EPCAM: variants seen among roughly 807,000 people sequenced by gnomAD.
EPCAM encodes adenocarcinoma-associated antigen.
In EPCAM, 39 loss-of-function variants were observed where a neutral mutation model predicts 40.0. The observed-to-expected ratio is 0.98, with a 90% CI of 0.76 to 1.27. EPCAM has a LOEUF of 1.27. Ranked by LOEUF, EPCAM falls within the 50% of genes most tolerant of loss-of-function variation. The probability of loss-of-function intolerance (pLI) is 0.00; values close to 1 mark genes in which losing one functional copy is unlikely to be tolerated. For synonymous variants in EPCAM, 168 were observed against 132.3 expected (o/e 1.27, Z -1.85); for missense variants, 503 against 381.2 (o/e 1.32, Z -2.66).
rs75497003 is a variant in EPCAM, at chr2:47,375,039, A to T, written c.426-195A>T. ...TATTGTGTCCAGAGAACAGAGGGTCAATATTAGAAAAGGTGTTCCCTCCTG... is the reference window on the plus strand; with the variant it reads ...TATTGTGTCCAGAGAACAGAGGGTCTATATTAGAAAAGGTGTTCCCTCCTG... On this transcript the variant is annotated intron_variant, in intron 3 of 8. Coordinates refer to ENST00000263735, the MANE Select transcript of EPCAM (RefSeq NM_002354.3). 0.088 allele frequency among the ~76,000 whole-genome samples: 13,404 copies of T among 152,262 alleles called. 845 individuals carry two copies. Among genetic ancestry groups the T allele is most frequent in the Non-Finnish European group, 0.13 (8,929 of 68,022 alleles).
At chr2:47,384,110 T>C (rs1671671171) in intron 7 of EPCAM, among the ~76,000 whole-genome samples, 1 of 151,976 alleles carries the variant, frequency 6.6e-6, no homozygotes, top group Non-Finnish European at 1.5e-5. Flanking sequence ...TTTTATTTTA[T>C]TTATTTATGG....
At chr2:47,385,703 A>G (rs555966221) in intron 8 of EPCAM, among the ~76,000 whole-genome samples, 25 of 140,430 alleles carry the variant, frequency 1.8e-4, no homozygotes, top group African/African-American at 6.0e-4. Flanking sequence ...CTTGAACCCT[A>G]TCAATAACAT....
chr2:47,378,085 G>GT (rs1248453579), intron 5 of EPCAM, among the ~76,000 whole-genome samples: 6 of 151,954 alleles, frequency 3.9e-5, no homozygotes, highest in African/African-American at 1.4e-4. Context: ...ATACAAAATA[G>GT]CCGAATGTGG....
chr2:47,385,595 TA>T (rs1316860552), intron 8 of EPCAM, among the ~76,000 whole-genome samples: 14 of 152,348 alleles, frequency 9.2e-5, no homozygotes, highest in Admixed American at 9.2e-4. Context: ...TAATTTGTCA[TA>T]ATCTATTGTG....
intron 7 of EPCAM, among the ~76,000 whole-genome samples, chr2:47,380,176 T>A (rs1558438834): frequency 6.6e-6 from 1 of 151,974 alleles, no homozygotes; most frequent in Non-Finnish European, 1.5e-5. Flanking sequence ...ATTAGTCAGA[T>A]GTGATGGCTT....
intron 5 of EPCAM, among the ~76,000 whole-genome samples, chr2:47,377,302 T>A (rs1671452204): frequency 6.6e-6 from 1 of 152,138 alleles, no homozygotes; most frequent in Non-Finnish European, 1.5e-5. Context: ...CATGGCAAGA[T>A]CTCGGCTCAA....
In EPCAM at chr2:47,369,559, G is replaced by T. The variant is rs2103738194; in HGVS notation, c.54G>T (p.Ala18=). The T allele has an allele frequency of 6.3e-7, 1 of 1,589,054 alleles. No individual in the cohort carries two copies. The highest frequency in any genetic ancestry group is 8.5e-7 in the Non-Finnish European group (1 of 1,171,052). The change falls in exon 1 of 9, where the codon GCG becomes GCT. Residue 18 remains alanine (A), a synonymous_variant. Transcript: ENST00000263735. ...GGCTTCTGCTTGCCGCGGCGACGGC[G>T]ACTTTTGCCGCAGCTCAGGAAGGTG... The part of the protein sequence containing the change: ...AFGLLLAAAT[A]TFAAAQEECV...
rs3923559 is a variant in EPCAM, at chr2:47,379,635, A to G, written c.658-134A>G. On this transcript the variant is annotated intron_variant, in intron 6 of 8. Transcript: ENST00000263735. Reference sequence around the variant, plus strand: ...TAAACAGTTTTTTAAAGTTCCAATAAATTAGATTGTTATCACTAAAACCAT... The same window carrying G: ...TAAACAGTTTTTTAAAGTTCCAATAGATTAGATTGTTATCACTAAAACCAT... 497,644 of 1,043,912 alleles carry G rather than the reference A, an allele frequency of 0.48. 127,080 individuals carry two copies. Among genetic ancestry groups the G allele is most frequent in the African/African-American group, 0.84 (52,390 of 62,098 alleles). 64.7% of individuals were successfully genotyped at this position (1,043,912 alleles called of 1,614,324 possible).
At chr2:47,374,430 A>G (rs1671368883) in intron 3 of EPCAM, among the ~76,000 whole-genome samples, 1 of 152,196 alleles carries the variant, frequency 6.6e-6, no homozygotes, top group African/African-American at 2.4e-5. Flanking sequence ...GTGTTTTAAA[A>G]GTGAGATATG....
At chr2:47,386,347 C>T (rs1206414414) in intron 8 of EPCAM, among the ~76,000 whole-genome samples, 1 of 152,128 alleles carries the variant, frequency 6.6e-6, no homozygotes, top group Non-Finnish European at 1.5e-5. Flanking sequence ...CCAACTTGCC[C>T]TAGTCACTTT....
At chr2:47,370,494 C>G (rs200605411) in intron 1 of EPCAM, among the ~76,000 whole-genome samples, 1 of 151,936 alleles carries the variant, frequency 6.6e-6, no homozygotes, top group Non-Finnish European at 1.5e-5. Context: ...TCAGGCTGGT[C>G]TCTAACTCCT....
intron 3 of EPCAM, 79 bp downstream of exon 3, chr2:47,374,127 TG>T: frequency 6.6e-7 from 1 of 1,513,202 alleles, no homozygotes; most frequent in Non-Finnish European, 9.0e-7. Flanking sequence ...TTATGTAATA[TG>T]ATTTCATGGT....
At position 47,369,431 on chromosome 2, in the gene EPCAM, T is replaced by A. The variant is rs1671155263; in HGVS notation, c.-75T>A. ...CTCGCGCTGCCCGGCCGGCTCCTCG[T>A]GTCCCACTCCCGGCGCACGCCCTCC... On this transcript the variant is annotated 5_prime_UTR_variant, in exon 1 of 9. Transcript: ENST00000263735. 1.5e-6 allele frequency: 2 copies of A among 1,317,724 alleles called. No homozygotes were observed. Among genetic ancestry groups the A allele is most frequent in the Non-Finnish European group, 2.0e-6 (2 of 1,019,004 alleles). The allele number at this position is 1,317,724 out of a possible 1,614,324, so 81.6% of individuals were successfully genotyped here.
In EPCAM at chr2:47,386,933, TTG is replaced by T. The variant is rs545442731; in HGVS notation, c.*323_*324del. On this transcript the variant is annotated 3_prime_UTR_variant, in exon 9 of 9. Coordinates refer to ENST00000263735, the MANE Select transcript of EPCAM (RefSeq NM_002354.3). ...CCACAGTAAAATCTGAAAAACTGAT[TTG>T]TGATTGAAAGCTGCCTTTCTATTTA... 225 of 268,340 alleles carry T rather than the reference TTG, an allele frequency of 8.4e-4. No homozygotes were observed. The highest frequency in any genetic ancestry group is 4.7e-3 in the African/African-American group (218 of 46,414). The allele number at this position is 268,340 out of a possible 1,614,324, so 16.6% of individuals were successfully genotyped here.
intron 7 of EPCAM, among the ~76,000 whole-genome samples, chr2:47,381,180 C>T (rs1232442105): frequency 2.0e-5 from 3 of 148,510 alleles, no homozygotes; most frequent in Non-Finnish European, 3.0e-5. Context: ...GTGGATCACC[C>T]GAGGTCGGGA....
intron 2 of EPCAM, 96 bp downstream of exon 2, chr2:47,373,666 A>G: frequency 2.1e-6 from 3 of 1,444,864 alleles, no homozygotes; most frequent in Non-Finnish European, 2.9e-6. Flanking sequence ...ATTGGCTTAA[A>G]TCTGAATCAT....
At position 47,379,939 on chromosome 2, in the gene EPCAM, G is replaced by A. The variant is rs1573400459; in HGVS notation, c.828G>A (p.Val276=). The A allele has an allele frequency of 4.3e-6, 7 of 1,613,604 alleles. No individual in the cohort carries two copies. Among genetic ancestry groups the A allele is most frequent in the Non-Finnish European group, 5.9e-6 (7 of 1,179,708 alleles). ...AGVIAVIVVV[V]IAVVAGIVVL... is the part of the protein sequence containing the mutation. ...TTATTGCTGTTATTGTGGTTGTGGT[G>A]ATAGCAGTTGTTGCTGGAATTGTTG... Residue 276 remains valine, a synonymous_variant, in exon 7 of 9, where the codon GTG becomes GTA. Transcript: ENST00000263735.
intron 4 of EPCAM, among the ~76,000 whole-genome samples, chr2:47,376,254 C>CT (rs57201109): frequency 0.049 from 6,323 of 128,308 alleles, 541 homozygotes; most frequent in African/African-American, 0.17. Context: ...ATATTTCCTC[C>CT]TTTTTTTTTT....
At position 47,386,961 on chromosome 2, in the gene EPCAM, C is replaced by T. The variant is rs1288492390; in HGVS notation, c.*348C>T. 9 of 254,120 alleles carry T rather than the reference C, an allele frequency of 3.5e-5. No individual in the cohort carries two copies. The highest frequency in any genetic ancestry group is 2.1e-4 in the Admixed American group (4 of 19,364). The allele number at this position is 254,120 out of a possible 1,614,324, so 15.7% of individuals were successfully genotyped here. On this transcript the variant is annotated 3_prime_UTR_variant, in exon 9 of 9. Coordinates refer to ENST00000263735, the MANE Select transcript of EPCAM (RefSeq NM_002354.3). The stretch of plus-strand genomic sequence containing the variant: ...TGATTGAAAGCTGCCTTTCTATTTA[C>T]TTGAGTCTTGTACATACATACTTTT...
Sources: allele counts gnomAD v4.1 joint callset (sites outside exome capture counted in the v4.1 genomes callset), GRCh38; gene constraint gnomAD v4.1.1; transcripts MANE v1.5; gene names NCBI Gene and HGNC (gene_info 2026-07-23, HGNC 2026-07-21).